Variants in ADAMTSL3 observed in about 807,000 individuals in gnomAD.
ADAMTSL3 encodes ADAMTS-like protein 3.
A neutral mutation model predicts 201.7 loss-of-function variants in ADAMTSL3; 128 were observed. The ratio of observed to expected loss-of-function variants is 0.63; its 90% confidence interval spans 0.55 to 0.73. ADAMTSL3 has a LOEUF of 0.73. Ranked by LOEUF, ADAMTSL3 falls within the 30% of genes least tolerant of loss-of-function variation. ADAMTSL3 has a pLI of 0.00. For synonymous variants in ADAMTSL3, 738 were observed against 748.4 expected, an observed-to-expected ratio of 0.99 and a Z score of 0.23; for missense variants, 1,990 against 2,119.6, an observed-to-expected ratio of 0.94 and a Z score of 1.20.
Position 83,892,980 on chromosome 15 carries a change from C to CA in ADAMTSL3, c.1467+101dup, listed in dbSNP as rs908567872. ...ACCATGGTGCTAGACAGCATGGAGACAAAAAAAAAGTGGTAAAAGAGCATG... is the reference window on the plus strand; with the variant it reads ...ACCATGGTGCTAGACAGCATGGAGACAAAAAAAAAAGTGGTAAAAGAGCATG... On this transcript the variant is annotated intron_variant, in intron 13 of 29. Transcript: ENST00000286744. 1.4e-3 allele frequency: 1,713 copies of CA among 1,199,942 alleles called. 4 individuals carry two copies. The highest frequency in any genetic ancestry group is 0.011 in the South Asian group (668 of 61,756). 74.3% of individuals were successfully genotyped at this position (1,199,942 alleles called of 1,614,324 possible).
intron 16 of ADAMTSL3, 122 bp from the exon 17 acceptor site, chr15:83,923,782 G>C (rs2066191747): frequency 4.3e-6 from 5 of 1,171,564 alleles, no homozygotes; most frequent in African/African-American, 1.5e-5. Context: ...AATGCAGCCT[G>C]CAGCCCTATG....
Position 84,036,895 on chromosome 15 carries a change from A to G in ADAMTSL3, c.4877A>G (p.His1626Arg). The G allele has an allele frequency of 6.2e-7, 1 of 1,614,164 alleles. No homozygotes were observed. Residue 1626 changes from histidine (H) to arginine (R), a missense_variant, in exon 29 of 30, where the codon CAC (histidine) becomes CGC (arginine). Physicochemically the swap from His to Arg is conservative, Grantham distance 29 (BLOSUM62 0). Coordinates refer to ENST00000286744, the MANE Select transcript of ADAMTSL3 (RefSeq NM_207517.3). Reference protein sequence around the residue: ...GFQSRKVDCIHTRSCKPVAKR... With the variant: ...GFQSRKVDCIRTRSCKPVAKR... ...CAGTCTCGGAAAGTCGACTGTATCC[A>G]CACAAGGAGTTGCAAACCTGTGGCC...
intron 8 of ADAMTSL3, chr15:83,862,196 CA>C (rs1302158297): frequency 6.6e-6 from 1 of 152,204 alleles, no homozygotes; most frequent in Non-Finnish European, 1.5e-5. Flanking sequence ...AAACACTCTG[CA>C]GGGTATTATC....
At chr15:83,999,424 A>G (rs1263048774) in intron 23 of ADAMTSL3, among the ~76,000 whole-genome samples, 1 of 152,264 alleles carries the variant, frequency 6.6e-6, no homozygotes, top group Non-Finnish European at 1.5e-5. Flanking sequence ...TTGTAACTAA[A>G]TAGGGCATTA....
intron 6 of ADAMTSL3, among the ~76,000 whole-genome samples, chr15:83,829,296 T>A (rs1031193797): frequency 3.2e-4 from 49 of 152,350 alleles, no homozygotes; most frequent in Non-Finnish European, 6.3e-4. Flanking sequence ...TCTTCTAGAT[T>A]TTCTAGTTTA....
At chr15:84,006,016 A>G (rs1289875032) in intron 23 of ADAMTSL3, among the ~76,000 whole-genome samples, 2 of 152,232 alleles carry the variant, frequency 1.3e-5, no homozygotes, top group Non-Finnish European at 2.9e-5. Context: ...GTATTTTTCA[A>G]AAAGAACAAA....
intron 2 of ADAMTSL3, among the ~76,000 whole-genome samples, chr15:83,672,452 G>A (rs895537118): frequency 6.6e-6 from 1 of 152,194 alleles, no homozygotes; most frequent in Non-Finnish European, 1.5e-5. Context: ...GCCTGGATGG[G>A]TATTCTCCGT....
chr15:83,716,344 AACAC>A (rs35902543), intron 3 of ADAMTSL3, among the ~76,000 whole-genome samples: 7 of 150,058 alleles, frequency 4.7e-5, no homozygotes, highest in Admixed American at 6.6e-5. Context: ...CTCTACTAAA[AACAC>A]ACACACACAC....
At chr15:84,017,324 A>G (rs916055208) in intron 25 of ADAMTSL3, among the ~76,000 whole-genome samples, 14 of 152,108 alleles carry the variant, frequency 9.2e-5, no homozygotes, top group Admixed American at 2.6e-4. Context: ...TCACCGTGTT[A>G]GCCAGGATGA....
At chr15:83,669,238 T>C (rs144327192) in intron 2 of ADAMTSL3, among the ~76,000 whole-genome samples, 3,074 of 152,156 alleles carry the variant, frequency 0.02, 95 homozygotes, top group African/African-American at 0.063. Context: ...CTCCGCCTCC[T>C]GGGTTCAAGC....
At chr15:83,880,539 C>A (rs138889930) in intron 9 of ADAMTSL3, among the ~76,000 whole-genome samples, 1 of 152,288 alleles carries the variant, frequency 6.6e-6, no homozygotes, top group Non-Finnish European at 1.5e-5. Flanking sequence ...AAATACTTGC[C>A]AAAGTCTATT....
chr15:83,974,663 G>A (rs1184431312), intron 20 of ADAMTSL3, among the ~76,000 whole-genome samples: 1 of 152,178 alleles, frequency 6.6e-6, no homozygotes, highest in African/African-American at 2.4e-5. Flanking sequence ...AAATATGTTA[G>A]ATGTGGTTCA....
At chr15:83,697,685 G>T (rs1168066580) in intron 2 of ADAMTSL3, among the ~76,000 whole-genome samples, 2 of 152,154 alleles carry the variant, frequency 1.3e-5, no homozygotes, top group Non-Finnish European at 2.9e-5. Context: ...GAGTTGGGGT[G>T]TGCCACCTCC....
intron 3 of ADAMTSL3, among the ~76,000 whole-genome samples, chr15:83,754,774 A>G (rs1377446466): frequency 6.6e-6 from 1 of 152,238 alleles, no homozygotes; most frequent in Non-Finnish European, 1.5e-5. Flanking sequence ...AAATGAAATA[A>G]AACTGAAGGA....
At chr15:83,774,289 A>C (rs1272763577) in intron 4 of ADAMTSL3, among the ~76,000 whole-genome samples, 1 of 152,260 alleles carries the variant, frequency 6.6e-6, no homozygotes, top group East Asian at 1.9e-4. Context: ...AGAAGATTCC[A>C]AGATTATGTC....
At chr15:83,894,096 G>A (rs1407648982) in intron 13 of ADAMTSL3, among the ~76,000 whole-genome samples, 1 of 152,140 alleles carries the variant, frequency 6.6e-6, no homozygotes, top group African/African-American at 2.4e-5. Flanking sequence ...TGCATGAGTA[G>A]TGTCATGTGC....
At chr15:83,753,652 A>G (rs1467308914) in intron 3 of ADAMTSL3, among the ~76,000 whole-genome samples, 1 of 152,156 alleles carries the variant, frequency 6.6e-6, no homozygotes, top group Admixed American at 6.5e-5. Context: ...TTAAACTTGA[A>G]AAACTGTGCT....
At chr15:84,015,747 G>T (rs1483065833) in intron 24 of ADAMTSL3, among the ~76,000 whole-genome samples, 1 of 152,174 alleles carries the variant, frequency 6.6e-6, no homozygotes, top group African/African-American at 2.4e-5. Context: ...ACCCTGTCTG[G>T]TTCTTGAATG....
intron 3 of ADAMTSL3, among the ~76,000 whole-genome samples, chr15:83,731,699 C>T (rs2062275317): frequency 2.0e-5 from 3 of 151,778 alleles, no homozygotes; most frequent in Non-Finnish European, 2.9e-5. Flanking sequence ...ATGTGATGTA[C>T]ATACATATAT....
Sources: allele counts gnomAD v4.1 joint callset (sites outside exome capture counted in the v4.1 genomes callset), GRCh38; gene constraint gnomAD v4.1.1; transcripts MANE v1.5; gene names NCBI Gene and HGNC (gene_info 2026-07-23, HGNC 2026-07-21).